Variants in LRRC4B observed in about 807,000 individuals in gnomAD.
LRRC4B encodes leucine rich repeat containing 4B, also known as leucine-rich repeat-containing protein 4B.
A neutral mutation model predicts 7.3 loss-of-function variants in LRRC4B; 1 was observed. The observed-to-expected ratio is 0.14, with a 90% CI of 0.05 to 0.65. LRRC4B has a LOEUF of 0.65. Among genes scored for constraint, LRRC4B ranks in the 30% least tolerant of loss-of-function variants. The pLI is 0.84. For missense variants in LRRC4B, 730 were observed against 1,041.6 expected (o/e 0.70, Z 4.12); for synonymous variants, 500 against 499.2 (o/e 1.00, Z -0.02).
At chr19:50,559,614 C>T (rs1404585125) in intron 1 of LRRC4B, among the ~76,000 whole-genome samples, 9 of 152,280 alleles carry the variant, frequency 5.9e-5, no homozygotes, top group Middle Eastern at 3.4e-3. Context: ...GGCGTGAGAG[C>T]GAGTTTGCAG....
intron 2 of LRRC4B, among the ~76,000 whole-genome samples, chr19:50,523,715 C>T (rs2122783235): frequency 6.6e-6 from 1 of 151,954 alleles, no homozygotes; most frequent in East Asian, 1.9e-4. Flanking sequence ...TCCTAGCACT[C>T]TGAGAGGCCA....
At chr19:50,550,667 C>T (rs1006611270) in intron 1 of LRRC4B, among the ~76,000 whole-genome samples, 5 of 152,108 alleles carry the variant, frequency 3.3e-5, no homozygotes, top group Admixed American at 2.0e-4. Context: ...GAGACAGAAG[C>T]AGAGGCAGAG....
intron 1 of LRRC4B, chr19:50,557,919 G>A (rs1319902138): frequency 6.6e-6 from 1 of 152,068 alleles, no homozygotes; most frequent in Non-Finnish European, 1.5e-5. Flanking sequence ...CCGTTACGAT[G>A]ATACACTCCA....
At chr19:50,559,744 GTGC>G (rs1982404462) in intron 1 of LRRC4B, among the ~76,000 whole-genome samples, 1 of 152,246 alleles carries the variant, frequency 6.6e-6, no homozygotes, top group Non-Finnish European at 1.5e-5. Flanking sequence ...CAACAAAAGG[GTGC>G]TGCTAAAAGT....
intron 1 of LRRC4B, among the ~76,000 whole-genome samples, chr19:50,551,210 T>G (rs1037995043): frequency 6.6e-6 from 1 of 151,126 alleles, no homozygotes; most frequent in Non-Finnish European, 1.5e-5. Flanking sequence ...TGGCTTCCGC[T>G]GGGCCTCTCC....
At chr19:50,564,806 T>C (rs1214507089) in intron 1 of LRRC4B, among the ~76,000 whole-genome samples, 2 of 151,840 alleles carry the variant, frequency 1.3e-5, no homozygotes, top group Non-Finnish European at 2.9e-5. Flanking sequence ...AGACAGGTGA[T>C]TGAGGGGGTG....
Position 50,517,391 on chromosome 19 carries a change from C to T in LRRC4B, c.*180G>A, listed in dbSNP as rs950232117. Reference sequence around the variant, plus strand: ...CCCAGAGACTCCGCTCCTGGAGCCCCACCCTGTCCTTACTGGGGGTCCGAG... The same window carrying T: ...CCCAGAGACTCCGCTCCTGGAGCCCTACCCTGTCCTTACTGGGGGTCCGAG... On this transcript the variant is annotated 3_prime_UTR_variant, in exon 3 of 3. Transcript: ENST00000652263. The surrounding 1 kb of genome is among the most constrained non-coding windows in gnomAD (Gnocchi z 6.6). 4.4e-6 allele frequency: 2 copies of T among 456,460 alleles called. No homozygotes were observed. Among genetic ancestry groups the T allele is most frequent in the Non-Finnish European group, 7.2e-6 (2 of 279,012 alleles). 28.3% of individuals were successfully genotyped at this position (456,460 alleles called of 1,614,324 possible).
At chr19:50,544,448 A>G (rs1424029094) in intron 2 of LRRC4B, among the ~76,000 whole-genome samples, 1 of 151,886 alleles carries the variant, frequency 6.6e-6, no homozygotes. Context: ...CGGAGCTTGC[A>G]GTGAGCCGAG....
rs187756025 is a variant in LRRC4B, at chr19:50,529,159, C to T, written c.298-9744G>A. On this transcript the variant is annotated intron_variant, in intron 2 of 2. Transcript: ENST00000652263. ...GAGCCGGTTCTCAGAGCTCATTTCC[C>T]GGGACGCTAAACACCAACAGCAAAA... Among the ~76,000 whole-genome samples, 302 of 152,196 alleles carry T rather than the reference C, an allele frequency of 2.0e-3. 1 individual carries two copies. Among genetic ancestry groups the T allele is most frequent in the African/African-American group, 6.8e-3 (284 of 41,512 alleles).
chr19:50,541,190 A>AAAAAG lies in LRRC4B; in HGVS notation c.297+7347_297+7351dup, dbSNP rs545699363. Among the ~76,000 whole-genome samples, 930 of 150,378 alleles carry AAAAAG rather than the reference A, an allele frequency of 6.2e-3. 13 individuals carry two copies. Among genetic ancestry groups the AAAAAG allele is most frequent in the African/African-American group, 0.02 (827 of 40,712 alleles). On this transcript the variant is annotated intron_variant, in intron 2 of 2. Coordinates refer to ENST00000652263, the MANE Select transcript of LRRC4B (RefSeq NM_001080457.2). ...AAATGAGAGGCTCTGTCTCAAAAAAAAAAAGAAAAGAAAAGAAAAGAAAAA... is the reference window on the plus strand; with the variant it reads ...AAATGAGAGGCTCTGTCTCAAAAAAAAAAAGAAAAGAAAAGAAAAGAAAAGAAAAA...
chr19:50,536,111 C>T (rs1388232772), intron 2 of LRRC4B, among the ~76,000 whole-genome samples: 2 of 151,598 alleles, frequency 1.3e-5, no homozygotes, highest in African/African-American at 4.8e-5. Flanking sequence ...AGCTCGTGCA[C>T]GCTGCTACTG....
At chr19:50,546,403 T>C (rs1158974997) in intron 2 of LRRC4B, among the ~76,000 whole-genome samples, 1 of 152,152 alleles carries the variant, frequency 6.6e-6, no homozygotes, top group Non-Finnish European at 1.5e-5. Flanking sequence ...CCATGCCTCT[T>C]GCTGTCTGGG....
intron 1 of LRRC4B, among the ~76,000 whole-genome samples, chr19:50,554,577 GATAAC>G (rs1302503922): frequency 2.0e-5 from 3 of 152,182 alleles, no homozygotes. Flanking sequence ...CTCTGACCTG[GATAAC>G]AGGAATGCTG....
At chr19:50,528,611 C>T (rs1980920846) in intron 2 of LRRC4B, among the ~76,000 whole-genome samples, 2 of 152,214 alleles carry the variant, frequency 1.3e-5, no homozygotes, top group Non-Finnish European at 2.9e-5. Flanking sequence ...TCCCAAAGTG[C>T]TGCGATGACG....
intron 1 of LRRC4B, among the ~76,000 whole-genome samples, chr19:50,551,959 C>T (rs917536526): frequency 3.3e-5 from 5 of 151,298 alleles, no homozygotes; most frequent in African/African-American, 9.7e-5. Flanking sequence ...CTGGGGGAGG[C>T]CTCCCCCTCC....
Position 50,553,265 on chromosome 19 carries a change from G to A in LRRC4B, c.-35-4392C>T, listed in dbSNP as rs1285229515. ...CCGTGCGTTCCCCACGGGCAGCGAG[G>A]GGTATCCTGTCAACACCCCATGGAC... On this transcript the variant is annotated intron_variant, in intron 1 of 2. Transcript: ENST00000652263. This position sits in a 1 kb window ranked among gnomAD's most constrained non-coding sequence, Gnocchi z 4.2. Among the ~76,000 whole-genome samples, 1 of 152,208 alleles carries A rather than the reference G, an allele frequency of 6.6e-6. No individual in the cohort carries two copies. Among genetic ancestry groups the A allele is most frequent in the African/African-American group, 2.4e-5 (1 of 41,542 alleles).
In LRRC4B at chr19:50,525,111, C is replaced by T. The variant is rs114956709; in HGVS notation, c.298-5696G>A. ...TGGACAGACACGGAAACAGAGGTCA[C>T]GGGTGTAGTGTGAAGAGCAGAGCCC... On this transcript the variant is annotated intron_variant, in intron 2 of 2. Coordinates refer to ENST00000652263, the MANE Select transcript of LRRC4B (RefSeq NM_001080457.2). Among the ~76,000 whole-genome samples, 563 of 152,298 alleles carry T rather than the reference C, an allele frequency of 3.7e-3. 6 individuals are homozygous for T. Among genetic ancestry groups the T allele is most frequent in the African/African-American group, 0.013 (524 of 41,560 alleles).
chr19:50,537,244 A>T lies in LRRC4B; in HGVS notation c.297+11298T>A, dbSNP rs1981332518. Among the ~76,000 whole-genome samples, 1 of 152,172 alleles carries T rather than the reference A, an allele frequency of 6.6e-6. No individual in the cohort carries two copies. The highest frequency in any genetic ancestry group is 1.5e-5 in the Non-Finnish European group (1 of 68,022). On this transcript the variant is annotated intron_variant, in intron 2 of 2. Transcript: ENST00000652263. The surrounding 1 kb of genome is among the most constrained non-coding windows in gnomAD (Gnocchi z 5.5). ...CTCCGTTACTAACCATGGGACCAGG[A>T]CCGTTTGCAAGTGTCTTAACTCTCC...
chr19:50,532,486 G>T (rs1352966925), intron 2 of LRRC4B, among the ~76,000 whole-genome samples: 1 of 152,180 alleles, frequency 6.6e-6, no homozygotes, highest in East Asian at 1.9e-4. Flanking sequence ...AGAGATGCAT[G>T]GGGTTCCCTC....
Sources: allele counts gnomAD v4.1 joint callset (sites outside exome capture counted in the v4.1 genomes callset), GRCh38; gene constraint gnomAD v4.1.1; non-coding constraint Gnocchi (gnomAD v3.1); transcripts MANE v1.5; gene names NCBI Gene and HGNC (gene_info 2026-07-23, HGNC 2026-07-21).